GABRG1: variants seen among roughly 807,000 people sequenced by gnomAD.
The protein encoded by GABRG1 is gamma-aminobutyric acid type A receptor subunit gamma1, also known as gamma-aminobutyric acid receptor subunit gamma-1.
A neutral mutation model predicts 49.8 loss-of-function variants in GABRG1; 49 were observed. The ratio of observed to expected loss-of-function variants is 0.98; its 90% CI spans 0.78 to 1.25. The LOEUF (loss-of-function observed/expected upper bound fraction) is 1.25, where lower values mean the gene tolerates loss of function less well. GABRG1 is among the 50% of genes most tolerant of loss of function. The probability of loss-of-function intolerance (pLI) is 0.00; values close to 1 mark genes in which losing one functional copy is unlikely to be tolerated. For missense variants in GABRG1, 552 were observed against 552.3 expected (o/e 1.00, Z 0.01); for synonymous variants, 232 against 185.1 (o/e 1.25, Z -2.06).
At position 46,040,206 on chromosome 4, in the gene GABRG1, G is replaced by T. The variant is rs1577623784; in HGVS notation, c.*782C>A. The T allele has an allele frequency of 1.3e-5, 2 of 151,846 alleles. No individual in the cohort carries two copies. The highest frequency in any genetic ancestry group is 3.9e-4 in the East Asian group (2 of 5,192). The allele number at this position is 151,846 out of a possible 1,614,324, so 9.4% of individuals were successfully genotyped here. On this transcript the variant is annotated 3_prime_UTR_variant, in exon 9 of 9. Coordinates refer to ENST00000295452, the MANE Select transcript of GABRG1 (RefSeq NM_173536.4). ...CATTTGCAGATTTTAATATTTCAGT[G>T]TTAACCTCATCATACATTATAAATG...
chr4:46,041,827 C>A (rs570845831), intron 8 of GABRG1, among the ~76,000 whole-genome samples: 1 of 151,996 alleles, frequency 6.6e-6, no homozygotes, highest in African/African-American at 2.4e-5. Context: ...GCTCATTCTA[C>A]CAATGTATCT....
At chr4:46,089,955 C>A (rs1719919946) in intron 2 of GABRG1, among the ~76,000 whole-genome samples, 1 of 151,898 alleles carries the variant, frequency 6.6e-6, no homozygotes, top group Non-Finnish European at 1.5e-5. Flanking sequence ...CAGCATGAGA[C>A]CATGCCTCAA....
intron 1 of GABRG1, among the ~76,000 whole-genome samples, chr4:46,119,723 T>C (rs1721040579): frequency 6.6e-6 from 1 of 151,566 alleles, no homozygotes; most frequent in Non-Finnish European, 1.5e-5. Context: ...TGTTTATCTT[T>C]AGAGTTCTAG....
At chr4:46,081,607 T>C (rs775787499) in intron 3 of GABRG1, among the ~76,000 whole-genome samples, 3 of 151,926 alleles carry the variant, frequency 2.0e-5, no homozygotes, top group South Asian at 4.1e-4. Flanking sequence ...AAAGGGATGA[T>C]TTGACTATTA....
intron 3 of GABRG1, among the ~76,000 whole-genome samples, chr4:46,065,986 T>A (rs1005422749): frequency 2.0e-5 from 3 of 152,140 alleles, no homozygotes; most frequent in African/African-American, 7.2e-5. Flanking sequence ...CCTCCCAAAG[T>A]GCTGGGATTA....
At position 46,088,815 on chromosome 4, in the gene GABRG1, T is replaced by TTGTGTGTGTG. The variant is rs3069486; in HGVS notation, c.254-4772_254-4763dup. Among the ~76,000 whole-genome samples the TTGTGTGTGTG allele has an allele frequency of 2.9e-3, 382 of 131,660 alleles. 1 individual carries two copies. Among genetic ancestry groups the TTGTGTGTGTG allele is most frequent in the African/African-American group, 0.01 (350 of 34,664 alleles). 86.4% of individuals were successfully genotyped at this position (131,660 alleles called of 152,430 possible). Reference sequence around the variant, plus strand: ...CATGTGTGTGTGTGTTTGTGTGTGTTTGTGTGTGTGTGTGTGTGTGTGTGT... The same window carrying TTGTGTGTGTG: ...CATGTGTGTGTGTGTTTGTGTGTGTTTGTGTGTGTGTGTGTGTGTGTGTGTGTGTGTGTGT... On this transcript the variant is annotated intron_variant, in intron 2 of 8. Coordinates refer to ENST00000295452, the MANE Select transcript of GABRG1 (RefSeq NM_173536.4).
At chr4:46,047,314 C>T (rs773495204) in intron 8 of GABRG1, among the ~76,000 whole-genome samples, 8 of 152,082 alleles carry the variant, frequency 5.3e-5, no homozygotes, top group Non-Finnish European at 8.8e-5. Context: ...TTCCCTCTAT[C>T]TTAAATGTTC....
chr4:46,117,744 A>G (rs895494873), intron 1 of GABRG1, among the ~76,000 whole-genome samples: 1 of 143,908 alleles, frequency 6.9e-6, no homozygotes, highest in Non-Finnish European at 1.5e-5. Flanking sequence ...ACATATACAC[A>G]TATACATACA....
intron 7 of GABRG1, among the ~76,000 whole-genome samples, chr4:46,057,321 T>C (rs1345045248): frequency 6.6e-6 from 1 of 152,090 alleles, no homozygotes; most frequent in Non-Finnish European, 1.5e-5. Context: ...TGGAATCATT[T>C]ATAAGCTATC....
At chr4:46,115,979 G>A (rs1283984815) in intron 1 of GABRG1, among the ~76,000 whole-genome samples, 5 of 150,724 alleles carry the variant, frequency 3.3e-5, no homozygotes, top group Admixed American at 1.3e-4. Context: ...TTTTCTTAAT[G>A]CCTTTGGTTA....
At chr4:46,068,183 A>C (rs1718988173) in intron 3 of GABRG1, among the ~76,000 whole-genome samples, 1 of 152,174 alleles carries the variant, frequency 6.6e-6, no homozygotes. Flanking sequence ...TGGAAAGAGC[A>C]TTTAGTCAAC....
At chr4:46,043,187 T>A (rs1211721675) in intron 8 of GABRG1, among the ~76,000 whole-genome samples, 1 of 151,986 alleles carries the variant, frequency 6.6e-6, no homozygotes, top group Non-Finnish European at 1.5e-5. Context: ...AATGGAAATA[T>A]GGTGTGTTTT....
Position 46,097,364 on chromosome 4 carries a change from G to T in GABRG1, c.105-15C>A, listed in dbSNP as rs1409345815. On this transcript the variant is annotated splice_polypyrimidine_tract_variant and intron_variant, in intron 1 of 8. Coordinates refer to ENST00000295452, the MANE Select transcript of GABRG1 (RefSeq NM_173536.4). Reference sequence around the variant, plus strand: ...CCTTATCAACACTAAATAATTCAAAGAAAAAAATGGATGGTAGAAGGTTCA... The same window carrying T: ...CCTTATCAACACTAAATAATTCAAATAAAAAAATGGATGGTAGAAGGTTCA... The T allele has an allele frequency of 1.3e-6, 2 of 1,581,502 alleles. No individual in the cohort carries two copies. The highest frequency in any genetic ancestry group is 1.7e-6 in the Non-Finnish European group (2 of 1,166,690).
At chr4:46,060,125 C>T (rs903918113) in intron 5 of GABRG1, among the ~76,000 whole-genome samples, 13 of 152,006 alleles carry the variant, frequency 8.6e-5, no homozygotes, top group South Asian at 4.2e-4. Flanking sequence ...ACTTTTTGAA[C>T]GAACCAAGTG....
At chr4:46,090,856 C>T (rs1719958051) in intron 2 of GABRG1, among the ~76,000 whole-genome samples, 1 of 150,182 alleles carries the variant, frequency 6.7e-6, no homozygotes, top group African/African-American at 2.4e-5. Context: ...CAGCTTAGAG[C>T]TTTTAGATCT....
chr4:46,065,210 A>T, intron 4 of GABRG1, among the ~76,000 whole-genome samples, 154 bp downstream of exon 4: 1 of 152,280 alleles, frequency 6.6e-6, no homozygotes, highest in South Asian at 2.1e-4. Context: ...TTAAAAAAGT[A>T]TTGCCAAAGT....
chr4:46,059,859 C>G (rs577825108), intron 5 of GABRG1, among the ~76,000 whole-genome samples: 3 of 152,142 alleles, frequency 2.0e-5, no homozygotes, highest in African/African-American at 7.2e-5. Context: ...TAAAACCTAG[C>G]CTTTAAAAAG....
intron 1 of GABRG1, among the ~76,000 whole-genome samples, chr4:46,121,341 CAT>C (rs1290567778): frequency 6.6e-6 from 1 of 151,910 alleles, no homozygotes; most frequent in Non-Finnish European, 1.5e-5. Context: ...ATGATTTATA[CAT>C]GTTAGCATCT....
chr4:46,035,812 T>A lies in GABRG1; in HGVS notation c.*5176A>T, dbSNP rs1717496666. ...TTTATTTATAACAAGTTACTGGTAT[T>A]TTTTTTGTTCTAAGGATCATGAGAG... On this transcript the variant is annotated 3_prime_UTR_variant, in exon 9 of 9. Transcript: ENST00000295452. The A allele has an allele frequency of 6.6e-6, 1 of 151,802 alleles. No individual in the cohort carries two copies. The highest frequency in any genetic ancestry group is 1.5e-5 in the Non-Finnish European group (1 of 67,836). 9.4% of individuals were successfully genotyped at this position (151,802 alleles called of 1,614,324 possible).
Sources: gnomAD v4.1 joint callset for allele counts (sites outside exome capture counted in the v4.1 genomes callset) on GRCh38, gnomAD v4.1.1 for gene constraint, MANE v1.5 for transcripts, NCBI Gene and HGNC (gene_info 2026-07-23, HGNC 2026-07-21) for gene names.